The following TBX19 variants were observed in gnomAD, a reference collection of about 807,000 sequenced individuals.
TBX19 encodes T-box transcription factor TBX19.
Under a neutral mutation model 40.9 loss-of-function variants are expected in TBX19, and 33 were observed. The ratio of observed to expected loss-of-function variants is 0.81; its 90% confidence interval spans 0.61 to 1.08. The LOEUF is 1.08. TBX19 is among the 50% of genes least tolerant of loss of function. The pLI is 0.00. For synonymous variants in TBX19, 220 were observed against 225.0 expected (o/e 0.98, Z 0.20); for missense variants, 494 against 574.0 (o/e 0.86, Z 1.42).
Position 168,280,968 on chromosome 1 carries a change from G to T in TBX19, c.-123G>T. The T allele has an allele frequency of 2.2e-6, 2 of 896,246 alleles. No homozygotes were observed. Among genetic ancestry groups the T allele is most frequent in the Admixed American group, 4.0e-5 (2 of 50,352 alleles). 55.5% of individuals were successfully genotyped at this position (896,246 alleles called of 1,614,324 possible). A position where few individuals can be genotyped will look rare whatever the true frequency, so the allele number is the denominator to read the frequency against. ...CCTAGGAGCTTAGGCAAGAGCCAGG[G>T]TATCTTCTCTCCGCTCCCCAAGCAC... is the stretch of plus-strand genomic sequence containing the variant. On this transcript the variant is annotated 5_prime_UTR_variant, in exon 1 of 8. Transcript: ENST00000367821.
At chr1:168,292,997 G>C in intron 2 of TBX19, 147 bp from the exon 3 acceptor site, 1 of 1,263,872 alleles carries the variant, frequency 7.9e-7, no homozygotes, top group Non-Finnish European at 1.1e-6. Flanking sequence ...GAGGTGTGGT[G>C]GCAGCTCAGG....
At chr1:168,300,544 C>G in intron 5 of TBX19, 61 bp downstream of exon 5, 2 of 1,468,258 alleles carry the variant, frequency 1.4e-6, no homozygotes, top group Non-Finnish European at 1.9e-6. Flanking sequence ...CAGCTCCTTC[C>G]ACACTCAGAC....
In TBX19 at chr1:168,308,569, A is replaced by G. The variant is rs1649457647; in HGVS notation, c.917-173A>G. On this transcript the variant is annotated intron_variant, in intron 6 of 7. Transcript: ENST00000367821. ...GAATGACACCTGGCATATGGTTGACATTGAGGAAACCCACGTTTCTTTTTA... is the reference window on the plus strand; with the variant it reads ...GAATGACACCTGGCATATGGTTGACGTTGAGGAAACCCACGTTTCTTTTTA... 5 of 773,082 alleles carry G rather than the reference A, an allele frequency of 6.5e-6. No homozygotes were observed. In the South Asian group the frequency reaches 8.6e-5, roughly 13 times the overall value. 47.9% of individuals were successfully genotyped at this position (773,082 alleles called of 1,614,324 possible). A position where few individuals can be genotyped will look rare whatever the true frequency, so the allele number is the denominator to read the frequency against.
chr1:168,282,508 C>G (rs947751648), intron 1 of TBX19, among the ~76,000 whole-genome samples: 1 of 152,112 alleles, frequency 6.6e-6, no homozygotes, highest in African/African-American at 2.4e-5. Flanking sequence ...TTTATATTTT[C>G]TTTCTCAAAA....
intron 4 of TBX19, among the ~76,000 whole-genome samples, chr1:168,299,500 G>A (rs1438432856): frequency 1.3e-5 from 2 of 152,058 alleles, no homozygotes; most frequent in Non-Finnish European, 2.9e-5. Flanking sequence ...TTTTAGAGAT[G>A]GGGTCTTGCT....
intron 3 of TBX19, chr1:168,297,508 C>T: frequency 1.6e-6 from 1 of 631,944 alleles, no homozygotes. Context: ...TGTCCTTTGC[C>T]AGAGACAGCG....
At chr1:168,292,639 C>T (rs914359757) in intron 2 of TBX19, among the ~76,000 whole-genome samples, 27 of 151,932 alleles carry the variant, frequency 1.8e-4, no homozygotes, top group African/African-American at 4.1e-4. Context: ...CCGAAGTGGG[C>T]GGATCACGAG....
chr1:168,298,009 A>G (rs995148703), intron 4 of TBX19, among the ~76,000 whole-genome samples: 1 of 152,120 alleles, frequency 6.6e-6, no homozygotes, highest in Non-Finnish European at 1.5e-5. Flanking sequence ...ATCCTGGCTA[A>G]CATGGTGAAA....
rs1019164578 is a variant in TBX19, at chr1:168,313,206, C to T, written c.*204C>T. ...ATCATTTGCATCTCTCCACCATTTT[C>T]TTCTGCACTCCCATTTTCTCTGCAG... On this transcript the variant is annotated 3_prime_UTR_variant, in exon 8 of 8. Transcript: ENST00000367821. 5 of 637,768 alleles carry T rather than the reference C, an allele frequency of 7.8e-6. No individual in the cohort carries two copies. The highest frequency in any genetic ancestry group is 7.3e-5 in the African/African-American group (4 of 54,650). The allele number at this position is 637,768 out of a possible 1,614,324, so 39.5% of individuals were successfully genotyped here.
chr1:168,290,954 C>T (rs571730647), intron 1 of TBX19, among the ~76,000 whole-genome samples: 2 of 152,176 alleles, frequency 1.3e-5, no homozygotes, highest in East Asian at 1.9e-4. Context: ...GACTTTAAAA[C>T]GGAGCATGTT....
Position 168,281,168 on chromosome 1 carries a change from G to C in TBX19, c.78G>C (p.Glu26Asp). 6.2e-7 allele frequency: 1 copy of C among 1,614,180 alleles called. No individual in the cohort carries two copies. Among genetic ancestry groups the C allele is most frequent in the Admixed American group, 1.7e-5 (1 of 60,022 alleles). Residue 26 changes from glutamate (E) to aspartate (D), a missense_variant, in exon 1 of 8, where the codon GAG (glutamate) becomes GAC (aspartate). Around this residue, in one of 3 missense-constraint regions of TBX19, gnomAD observed 201 missense variants for 235.2 expected, o/e 0.85. Coordinates refer to ENST00000367821, the MANE Select transcript of TBX19 (RefSeq NM_005149.3). Reference protein sequence around the residue: ...VSHLLNVVESELQAGREKGDP... With the variant: ...VSHLLNVVESDLQAGREKGDP... ...ATCTGCTCAATGTGGTGGAGAGTGA[G>C]CTTCAGGCAGGGAGGGAAAAAGGCG...
chr1:168,300,468 G>A lies in TBX19; in HGVS notation c.712G>A (p.Val238Met), dbSNP rs879359533. 3.1e-6 allele frequency: 5 copies of A among 1,614,052 alleles called. No individual in the cohort carries two copies. Among genetic ancestry groups the A allele is most frequent in the Non-Finnish European group, 4.2e-6 (5 of 1,180,034 alleles). Residue 238 changes from valine to methionine, a missense_variant, in exon 5 of 8, where the codon GTG becomes ATG. By Grantham distance (21) the Val-to-Met change is conservative. This residue lies in a region of TBX19 where 284 missense variants were observed against 307.3 expected (regional missense o/e 0.92). Coordinates refer to ENST00000367821, the MANE Select transcript of TBX19 (RefSeq NM_005149.3). ...VPEAISESQH[V>M]TYSHLGGWIF... ...GGAGGCTATCTCTGAGAGCCAGCAT[G>A]TGACCTATTCTCACTGTGAGTTGGG... is the stretch of plus-strand genomic sequence containing the variant.
At chr1:168,304,579 C>A (rs1013624108) in intron 5 of TBX19, among the ~76,000 whole-genome samples, 2 of 152,192 alleles carry the variant, frequency 1.3e-5, no homozygotes, top group African/African-American at 4.8e-5. Flanking sequence ...AATTCAGGCT[C>A]CTCTATGCTC....
chr1:168,311,354 G>C (rs1297449655), intron 7 of TBX19, among the ~76,000 whole-genome samples: 2 of 152,188 alleles, frequency 1.3e-5, no homozygotes, highest in South Asian at 4.1e-4. Context: ...TCTGCAGTAA[G>C]CAGTACCTCT....
At position 168,313,169 on chromosome 1, in the gene TBX19, G is replaced by C; in HGVS notation, c.*167G>C. ...TACTGGGAGAGGGTTCAGTTTGGAT[G>C]ATGCTAGTTAGATCATTTGCATCTC... On this transcript the variant is annotated 3_prime_UTR_variant, in exon 8 of 8. Transcript: ENST00000367821. 2.6e-6 allele frequency: 2 copies of C among 766,544 alleles called. No individual in the cohort carries two copies. Among genetic ancestry groups the C allele is most frequent in the Non-Finnish European group, 4.3e-6 (2 of 470,306 alleles). 47.5% of individuals were successfully genotyped at this position (766,544 alleles called of 1,614,324 possible). A position where few individuals can be genotyped will look rare whatever the true frequency, so the allele number is the denominator to read the frequency against.
chr1:168,307,185 C>T (rs771280976), intron 6 of TBX19, among the ~76,000 whole-genome samples: 7 of 152,032 alleles, frequency 4.6e-5, no homozygotes, highest in Admixed American at 2.6e-4. Flanking sequence ...AGTGCCAGAT[C>T]GTAAAAAGAA....
intron 5 of TBX19, 135 bp from the exon 6 acceptor site, chr1:168,304,873 C>A: frequency 2.2e-6 from 2 of 905,738 alleles, no homozygotes; most frequent in Non-Finnish European, 3.5e-6. Context: ...TACCACCACA[C>A]AGGCTGGCAC....
At chr1:168,290,419 G>A (rs17561193) in intron 1 of TBX19, among the ~76,000 whole-genome samples, 40 of 152,186 alleles carry the variant, frequency 2.6e-4, no homozygotes, top group Admixed American at 1.8e-3. Flanking sequence ...GGGTGTGCAC[G>A]TCCCCACGCT....
At chr1:168,311,700 A>G (rs1239835532) in intron 7 of TBX19, among the ~76,000 whole-genome samples, 2 of 152,250 alleles carry the variant, frequency 1.3e-5, no homozygotes, top group African/African-American at 4.8e-5. Flanking sequence ...CAAGCAATAC[A>G]GTGTTGGGCA....
Sources: allele counts gnomAD v4.1 joint callset (sites outside exome capture counted in the v4.1 genomes callset), GRCh38; gene constraint gnomAD v4.1.1; regional missense constraint gnomAD v4.1.1; transcripts MANE v1.5; gene names NCBI Gene and HGNC (gene_info 2026-07-23, HGNC 2026-07-21).